Variants in SLC1A2 observed in about 807,000 individuals in gnomAD.
SLC1A2 encodes solute carrier family 1 member 2, also known as excitatory amino acid transporter 2.
Under a neutral mutation model 48.8 loss-of-function variants are expected in SLC1A2, and 15 were observed. The ratio of observed to expected loss-of-function variants is 0.31; its 90% confidence interval spans 0.21 to 0.47. The LOEUF (loss-of-function observed/expected upper bound fraction) is 0.47. Ranked by LOEUF, SLC1A2 falls within the 20% of genes least tolerant of loss-of-function variation. SLC1A2 has a pLI of 0.99. For missense variants in SLC1A2, 502 were observed against 730.5 expected (o/e 0.69, Z 3.61); for synonymous variants, 279 against 272.6 (o/e 1.02, Z -0.23).
intron 6 of SLC1A2, among the ~76,000 whole-genome samples, chr11:35,300,968 T>C (rs768549059): frequency 1.1e-4 from 16 of 152,202 alleles, no homozygotes; most frequent in Non-Finnish European, 2.1e-4. Flanking sequence ...GAGCCTGCGA[T>C]GAGCCATGAT....
intron 1 of SLC1A2, among the ~76,000 whole-genome samples, chr11:35,357,665 A>G (rs915262737): frequency 3.3e-5 from 5 of 152,222 alleles, no homozygotes; most frequent in African/African-American, 9.6e-5. Context: ...CCATTAAAAG[A>G]CAGAATTCCT....
chr11:35,344,979 G>A (rs986262547), intron 1 of SLC1A2, among the ~76,000 whole-genome samples: 5 of 152,158 alleles, frequency 3.3e-5, no homozygotes, highest in African/African-American at 9.7e-5. Flanking sequence ...ATTAGGCTTA[G>A]CAGCTCTGAT....
At chr11:35,363,647 A>G (rs148421472) in intron 1 of SLC1A2, among the ~76,000 whole-genome samples, 2 of 152,012 alleles carry the variant, frequency 1.3e-5, no homozygotes, top group African/African-American at 2.4e-5. Flanking sequence ...TCTTCCAGCA[A>G]CTCTCTGCAC....
intron 1 of SLC1A2, among the ~76,000 whole-genome samples, chr11:35,373,892 T>C (rs1024829744): frequency 2.6e-5 from 4 of 152,226 alleles, no homozygotes; most frequent in African/African-American, 9.6e-5. Context: ...AAGTACTCCA[T>C]GCAGATTACC....
intron 5 of SLC1A2, among the ~76,000 whole-genome samples, chr11:35,305,685 C>G (rs1474638264): frequency 6.6e-6 from 1 of 152,228 alleles, no homozygotes; most frequent in Non-Finnish European, 1.5e-5. Flanking sequence ...GCCCCCGCAC[C>G]TAGCACAGCA....
intron 1 of SLC1A2, among the ~76,000 whole-genome samples, chr11:35,367,603 T>G (rs76910054): frequency 2.6e-5 from 4 of 152,176 alleles, no homozygotes. Context: ...TTTTCTCCTA[T>G]TAAGAGATCA....
chr11:35,321,422 G>A lies in SLC1A2; in HGVS notation c.18-3906C>T, dbSNP rs182528821. Among the ~76,000 whole-genome samples, 730 of 152,096 alleles carry A rather than the reference G, an allele frequency of 4.8e-3. 5 individuals are homozygous for A. Among genetic ancestry groups the A allele is most frequent in the African/African-American group, 0.013 (532 of 41,472 alleles). On this transcript the variant is annotated intron_variant, in intron 1 of 10. Coordinates refer to ENST00000278379, the MANE Select transcript of SLC1A2 (RefSeq NM_004171.4). ...AATAGAAACCTAGAAGAAATGAGGG[G>A]TTTCTTCAAGTATTTTATGCAATTT...
At chr11:35,271,886 T>C (rs1377191077) in intron 9 of SLC1A2, among the ~76,000 whole-genome samples, 2 of 152,180 alleles carry the variant, frequency 1.3e-5, no homozygotes, top group African/African-American at 2.4e-5. Context: ...GAGGTCACTA[T>C]TGGCCTGGCA....
chr11:35,404,658 GTGTGGCTCCACAGTGCTCCCTGC>G (rs1855232721), intron 1 of SLC1A2: 1 of 152,258 alleles, frequency 6.6e-6, no homozygotes, highest in African/African-American at 2.4e-5. Context: ...TGGTTCAGAG[GTGTGGCTCCACAGTGCTCCCTGC>G]TGGGCAAATT....
chr11:35,340,211 C>T (rs998827034), intron 1 of SLC1A2, among the ~76,000 whole-genome samples: 1 of 152,088 alleles, frequency 6.6e-6, no homozygotes, highest in African/African-American at 2.4e-5. Context: ...GGTGTCTGCC[C>T]CAACTCAGTG....
chr11:35,308,905 A>G (rs1214921632), intron 4 of SLC1A2, among the ~76,000 whole-genome samples: 1 of 152,074 alleles, frequency 6.6e-6, no homozygotes, highest in African/African-American at 2.4e-5. Context: ...CTATAACCCT[A>G]TCTATATCCT....
intron 1 of SLC1A2, among the ~76,000 whole-genome samples, chr11:35,378,096 T>G (rs1415834450): frequency 6.6e-6 from 1 of 152,196 alleles, no homozygotes; most frequent in Non-Finnish European, 1.5e-5. Context: ...CTGATTGGTT[T>G]TACACTTGGA....
chr11:35,266,417 T>C (rs1950485785), intron 9 of SLC1A2, among the ~76,000 whole-genome samples: 3 of 152,236 alleles, frequency 2.0e-5, no homozygotes, highest in Admixed American at 6.5e-5. Flanking sequence ...CAAAATACTT[T>C]ATCTTGCTCT....
chr11:35,415,375 T>C (rs1855575682), intron 1 of SLC1A2, among the ~76,000 whole-genome samples: 1 of 152,230 alleles, frequency 6.6e-6, no homozygotes, highest in African/African-American at 2.4e-5. Flanking sequence ...CAAGCGACTG[T>C]CTTAGTAAAC....
chr11:35,296,016 C>A (rs569347695), intron 6 of SLC1A2, among the ~76,000 whole-genome samples: 4 of 152,348 alleles, frequency 2.6e-5, no homozygotes, highest in South Asian at 2.1e-4. Context: ...TTTAAACAAG[C>A]TCCCCAGGTA....
Position 35,284,543 on chromosome 11 carries a change from T to TTGTGTGTG in SLC1A2, c.1286+2206_1286+2213dup, listed in dbSNP as rs34712517. ...GTGATTGTTATTTCATGTTTTCATA[T>TTGTGTGTG]TGTGTGTGTGTGTGTGTGTGTGTGT... On this transcript the variant is annotated intron_variant, in intron 8 of 10. Coordinates refer to ENST00000278379, the MANE Select transcript of SLC1A2 (RefSeq NM_004171.4). Among the ~76,000 whole-genome samples the TTGTGTGTG allele has an allele frequency of 5.9e-3, 892 of 150,036 alleles. 4 individuals carry two copies. The highest frequency in any genetic ancestry group is 0.014 in the African/African-American group (571 of 41,002).
rs189421421 is a variant in SLC1A2, at chr11:35,290,912, C to A, written c.1091+1375G>T. ...CTCCATTTTCTACTAGCACTGAATCCTCATTGATTTGCAAGATGGAAGTTT... is the reference window on the plus strand; with the variant it reads ...CTCCATTTTCTACTAGCACTGAATCATCATTGATTTGCAAGATGGAAGTTT... On this transcript the variant is annotated intron_variant, in intron 7 of 10. Coordinates refer to ENST00000278379, the MANE Select transcript of SLC1A2 (RefSeq NM_004171.4). 5.3e-5 allele frequency among the ~76,000 whole-genome samples: 8 copies of A among 152,148 alleles called. No homozygotes were observed. The East Asian group carries it at 1.5e-3, about 29-fold the overall frequency.
chr11:35,266,643 T>C (rs974305388), intron 9 of SLC1A2, among the ~76,000 whole-genome samples: 49 of 152,304 alleles, frequency 3.2e-4, no homozygotes, highest in African/African-American at 9.9e-4. Flanking sequence ...AAGAATACTT[T>C]TGGCCATGTT....
rs111499194 is a variant in SLC1A2, at chr11:35,399,624, C to T, written c.17+19326G>A. On this transcript the variant is annotated intron_variant, in intron 1 of 10. Transcript: ENST00000278379. ...AGATGATGCGTTTTCCATTTGTATG[C>T]GGAGTATTCAATCATCTATTCCTAC... 1,595 of 982,608 alleles carry T rather than the reference C, an allele frequency of 1.6e-3. 2 individuals carry two copies. Among genetic ancestry groups the T allele is most frequent in the Non-Finnish European group, 1.7e-3 (1,412 of 827,448 alleles). 60.9% of individuals were successfully genotyped at this position (982,608 alleles called of 1,614,324 possible).
Sources: gnomAD v4.1 joint callset for allele counts (sites outside exome capture counted in the v4.1 genomes callset) on GRCh38, gnomAD v4.1.1 for gene constraint, MANE v1.5 for transcripts, NCBI Gene and HGNC (gene_info 2026-07-23, HGNC 2026-07-21) for gene names.